The following PTPRT variants were observed in gnomAD, a reference collection of about 807,000 sequenced individuals.
The protein encoded by PTPRT is protein tyrosine phosphatase receptor type T.
In PTPRT, 56 loss-of-function variants were observed where a neutral mutation model predicts 176.8. That is an observed-to-expected ratio of 0.32 (90% confidence interval 0.26 to 0.40). The LOEUF is 0.40. Among genes scored for constraint, PTPRT ranks in the 10% least tolerant of loss-of-function variants. The pLI is 1.00. For missense variants in PTPRT, 1,540 were observed against 1,908.2 expected (o/e 0.81, Z 3.60); for synonymous variants, 783 against 739.0 (o/e 1.06, Z -0.96).
At chr20:42,902,351 A>C (rs2079417047) in intron 1 of PTPRT, among the ~76,000 whole-genome samples, 1 of 151,966 alleles carries the variant, frequency 6.6e-6, no homozygotes, top group Non-Finnish European at 1.5e-5. Context: ...TGGTCCACAC[A>C]TGGCTCTCTG....
chr20:43,121,032 A>T (rs892183906), intron 1 of PTPRT, among the ~76,000 whole-genome samples: 2 of 151,906 alleles, frequency 1.3e-5, no homozygotes, highest in African/African-American at 4.9e-5. Context: ...TCCTTCTCCC[A>T]GGATAATTGC....
rs982097268 is a variant in PTPRT, at chr20:42,616,181, T to G, written c.1153+61685A>C. Among the ~76,000 whole-genome samples, 2 of 124,330 alleles carry G rather than the reference T, an allele frequency of 1.6e-5. 1 individual carries two copies. The highest frequency in any genetic ancestry group is 3.3e-5 in the Non-Finnish European group (2 of 60,572). The allele number at this position is 124,330 out of a possible 152,430, so 81.6% of individuals were successfully genotyped here. ...GGCTAGCCAGTTTTCCCAGCACCAT[T>G]TATTAAATAGGGAATCCTTTCCCCA... is the stretch of plus-strand genomic sequence containing the variant. On this transcript the variant is annotated intron_variant, in intron 7 of 30. Transcript: ENST00000373187.
chr20:42,498,822 A>G (rs1277889962), intron 7 of PTPRT, among the ~76,000 whole-genome samples: 3 of 152,064 alleles, frequency 2.0e-5, no homozygotes. Flanking sequence ...GACTCCACCT[A>G]TGACCTGGAA....
At position 42,146,162 on chromosome 20, in the gene PTPRT, A is replaced by G. The variant is rs555953710; in HGVS notation, c.2683-4160T>C. ...CCTCCTCTTCTATCCCAGCCAGGTA[A>G]CTCCATCTCCTCCAGGCAACTTGCC... is the stretch of plus-strand genomic sequence containing the variant. On this transcript the variant is annotated intron_variant, in intron 17 of 30. Transcript: ENST00000373187. Among the ~76,000 whole-genome samples the G allele has an allele frequency of 1.2e-4, 18 of 151,472 alleles. No individual in the cohort carries two copies. In the South Asian group the frequency reaches 3.8e-3, roughly 32 times the overall value.
chr20:42,748,606 G>A (rs2076724176), intron 6 of PTPRT, among the ~76,000 whole-genome samples: 2 of 152,078 alleles, frequency 1.3e-5, no homozygotes, highest in South Asian at 2.1e-4. Flanking sequence ...GCGTCCCACC[G>A]CCACCTCAGG....
At chr20:42,876,215 A>C (rs548801958) in intron 2 of PTPRT, among the ~76,000 whole-genome samples, 1 of 152,344 alleles carries the variant, frequency 6.6e-6, no homozygotes, top group African/African-American at 2.4e-5. Flanking sequence ...GAAAGAAAAA[A>C]ATGTACTGAC....
chr20:42,277,099 C>T (rs993910027), intron 13 of PTPRT, among the ~76,000 whole-genome samples: 1 of 152,140 alleles, frequency 6.6e-6, no homozygotes, highest in Non-Finnish European at 1.5e-5. Context: ...GTTAGTCCAT[C>T]GCTGCCACCA....
At chr20:42,690,821 G>A (rs966837136) in intron 6 of PTPRT, among the ~76,000 whole-genome samples, 1 of 152,164 alleles carries the variant, frequency 6.6e-6, no homozygotes, top group Admixed American at 6.5e-5. Flanking sequence ...ACTCCCTTGT[G>A]GCTGAGTTTC....
chr20:42,138,668 G>T (rs1333837084), intron 18 of PTPRT, among the ~76,000 whole-genome samples: 1 of 152,108 alleles, frequency 6.6e-6, no homozygotes, highest in African/African-American at 2.4e-5. Flanking sequence ...GCCAACAGTC[G>T]CTGCCCTAGA....
the PTPRT span, among the ~76,000 whole-genome samples, chr20:42,054,714 C>T: frequency 6.6e-6 from 1 of 152,198 alleles, no homozygotes; most frequent in African/African-American, 2.4e-5. Flanking sequence ...CCTTCTCTCT[C>T]TTTGGGATTC....
chr20:43,036,572 A>C (rs1986389041), intron 1 of PTPRT, among the ~76,000 whole-genome samples: 1 of 76,730 alleles, frequency 1.3e-5, no homozygotes, highest in African/African-American at 1.6e-4. Context: ...AGAATTTACA[A>C]AAAAAAACCC....
intron 1 of PTPRT, among the ~76,000 whole-genome samples, chr20:42,975,369 G>A (rs1307140419): frequency 2.0e-5 from 3 of 151,598 alleles, no homozygotes; most frequent in African/African-American, 7.3e-5. Flanking sequence ...ACCCTAAAAG[G>A]AAACACAAAA....
At chr20:42,142,034 C>A in intron 17 of PTPRT, 32 bp from the exon 18 acceptor site, 1 of 1,583,928 alleles carries the variant, frequency 6.3e-7, no homozygotes. Context: ...GTTAGAGTGG[C>A]CTGAGATAGG....
intron 2 of PTPRT, among the ~76,000 whole-genome samples, chr20:42,867,559 C>T (rs2078768923): frequency 6.6e-6 from 1 of 151,962 alleles, no homozygotes; most frequent in African/African-American, 2.4e-5. Flanking sequence ...GCTCAGTCTT[C>T]ACCAATGACA....
At chr20:42,109,072 TAG>T (rs1431852299) in intron 23 of PTPRT, among the ~76,000 whole-genome samples, 2 of 152,198 alleles carry the variant, frequency 1.3e-5, no homozygotes, top group African/African-American at 4.8e-5. Flanking sequence ...GCAAAACATT[TAG>T]AGAGTCCAGG....
intron 1 of PTPRT, among the ~76,000 whole-genome samples, chr20:43,100,727 A>C (rs2012362362): frequency 6.6e-6 from 1 of 152,184 alleles, no homozygotes; most frequent in Non-Finnish European, 1.5e-5. Context: ...GAGACACAAA[A>C]CCAGACAATG....
At chr20:43,180,941 G>A (rs2015242646) in intron 1 of PTPRT, among the ~76,000 whole-genome samples, 1 of 152,108 alleles carries the variant, frequency 6.6e-6, no homozygotes, top group Non-Finnish European at 1.5e-5. Context: ...ATATGACAAA[G>A]TGATGTGATG....
At chr20:42,251,562 A>T (rs1024428580) in intron 13 of PTPRT, among the ~76,000 whole-genome samples, 5 of 151,724 alleles carry the variant, frequency 3.3e-5, no homozygotes, top group East Asian at 1.9e-4. Flanking sequence ...TTGCATAATT[A>T]AAAAAAATGC....
At chr20:42,494,364 T>G (rs995101741) in intron 7 of PTPRT, among the ~76,000 whole-genome samples, 1 of 152,078 alleles carries the variant, frequency 6.6e-6, no homozygotes, top group African/African-American at 2.4e-5. Flanking sequence ...TAAAGAATAA[T>G]GAAGTAGAGG....
Sources: gnomAD v4.1 joint callset for allele counts (sites outside exome capture counted in the v4.1 genomes callset) on GRCh38, gnomAD v4.1.1 for gene constraint, MANE v1.5 for transcripts, NCBI Gene and HGNC (gene_info 2026-07-23, HGNC 2026-07-21) for gene names.